Variants in CPM observed in about 807,000 individuals in gnomAD.
CPM encodes the protein renal carboxypeptidase.
CPM carries 35 observed loss-of-function variants against 46.4 expected under a neutral mutation model. The ratio of observed to expected loss-of-function variants is 0.75; its 90% CI spans 0.58 to 1.00. The LOEUF is 1.00. Among genes scored for constraint, CPM ranks in the 50% least tolerant of loss-of-function variants. The pLI, the probability that CPM is intolerant of heterozygous loss-of-function variation, is 0.00. For missense variants in CPM, 422 were observed against 530.4 expected, an observed-to-expected ratio of 0.80 and a Z score of 2.01; for synonymous variants, 195 against 195.3, an observed-to-expected ratio of 1.00 and a Z score of 0.01.
Position 68,866,898 on chromosome 12 carries a change from AG to A in CPM, c.937del (p.Leu313Ter), listed in dbSNP as rs760182716. On this transcript the variant is annotated frameshift_variant, in exon 7 of 9. Transcript: ENST00000551568. LOFTEE classifies it high-confidence loss of function. ...SLIEYIKQVHLGVKGQVFDQN... is the reference protein window; with the variant it reads ...SLIEYIKQVHXGVKGQVFDQN... ...ATTAATAAGAAAATTTTACAAACCT[AG>A]GTGCACCTGCTTTATATATTCAATT... 6.2e-7 allele frequency: 1 copy of A among 1,610,118 alleles called. No individual in the cohort carries two copies. The highest frequency in any genetic ancestry group is 8.5e-7 in the Non-Finnish European group (1 of 1,177,736).
chr12:68,940,366 G>A (rs143005156), intron 1 of CPM, among the ~76,000 whole-genome samples: 24 of 151,600 alleles, frequency 1.6e-4, no homozygotes, highest in African/African-American at 5.8e-4. Flanking sequence ...AATGTATAAT[G>A]GCATGTATCC....
chr12:68,913,075 T>C (rs1887664095), intron 2 of CPM, among the ~76,000 whole-genome samples: 1 of 152,120 alleles, frequency 6.6e-6, no homozygotes. Context: ...TCCTCCCGGA[T>C]GTTAAGGATG....
chr12:68,910,552 T>A (rs573608564), intron 2 of CPM, among the ~76,000 whole-genome samples: 7 of 152,332 alleles, frequency 4.6e-5, no homozygotes, highest in African/African-American at 1.4e-4. Flanking sequence ...GATAAATGTA[T>A]GGGTTTTAAA....
intron 2 of CPM, among the ~76,000 whole-genome samples, chr12:68,888,735 C>G (rs138744797): frequency 6.6e-6 from 1 of 152,168 alleles, no homozygotes; most frequent in East Asian, 1.9e-4. Flanking sequence ...CTCTCTCCAC[C>G]ACAAAGTAAA....
Position 68,871,814 on chromosome 12 carries a change from T to C in CPM, c.401A>G (p.Lys134Arg). Residue 134 changes from lysine to arginine, a missense_variant, in exon 4 of 9, where the codon AAA (lysine) becomes AGA (arginine). Coordinates refer to ENST00000551568, the MANE Select transcript of CPM (RefSeq NM_198320.5). ...SMNPDGFEAV[K>R]KPDCYYSIGR... ...GATGCTGTAATAACAGTCAGGCTTT[T>C]TGACGGCTTCAAATCCATCTGGGTT... The C allele has an allele frequency of 1.2e-6, 2 of 1,614,192 alleles. No homozygotes were observed. The highest frequency in any genetic ancestry group is 1.7e-6 in the Non-Finnish European group (2 of 1,180,022).
chr12:68,951,341 T>C (rs1275191963), intron 1 of CPM, among the ~76,000 whole-genome samples: 2 of 152,226 alleles, frequency 1.3e-5, no homozygotes, highest in Non-Finnish European at 2.9e-5. Context: ...CCTGACCTGA[T>C]CATGCTTAGG....
intron 2 of CPM, among the ~76,000 whole-genome samples, chr12:68,929,440 T>C (rs1888412864): frequency 6.6e-6 from 1 of 152,200 alleles, no homozygotes; most frequent in Admixed American, 6.5e-5. Context: ...ATGAACACTG[T>C]ACCTTTTCTG....
At chr12:68,899,613 C>T (rs571312090) in intron 2 of CPM, among the ~76,000 whole-genome samples, 1 of 152,240 alleles carries the variant, frequency 6.6e-6, no homozygotes, top group South Asian at 2.1e-4. Flanking sequence ...GGAAATGGTT[C>T]ATTAGGAATC....
intron 2 of CPM, among the ~76,000 whole-genome samples, chr12:68,917,017 T>C (rs539370725): frequency 6.6e-6 from 1 of 152,196 alleles, no homozygotes; most frequent in Non-Finnish European, 1.5e-5. Context: ...CAAAAACCCT[T>C]AGGATTATAT....
intron 2 of CPM, among the ~76,000 whole-genome samples, chr12:68,918,650 C>A (rs901320723): frequency 7.0e-6 from 1 of 142,466 alleles, no homozygotes; most frequent in Non-Finnish European, 1.5e-5. Flanking sequence ...TCCAACCCAA[C>A]CCAACCCAAC....
chr12:68,885,792 C>T lies in CPM; in HGVS notation c.258G>A (p.Glu86=), dbSNP rs1407556276. 1 of 1,612,744 alleles carries T rather than the reference C, an allele frequency of 6.2e-7. No homozygotes were observed. Among genetic ancestry groups the T allele is most frequent in the Non-Finnish European group, 8.5e-7 (1 of 1,178,928 alleles). The part of the protein sequence containing the change: ...FKYVANMHGD[E]TVGRELLLHL... ...TCAGAAATTCAAGCCACATACGTACCTCATCTCCATGCATATTTGCCACGT... is the reference window on the plus strand; with the variant it reads ...TCAGAAATTCAAGCCACATACGTACTTCATCTCCATGCATATTTGCCACGT... Residue 86 remains glutamate, a splice_region_variant and synonymous_variant, in exon 3 of 9, where the codon GAG becomes GAA. Coordinates refer to ENST00000551568, the MANE Select transcript of CPM (RefSeq NM_198320.5).
chr12:68,868,067 T>C (rs923850306), intron 6 of CPM, among the ~76,000 whole-genome samples: 1 of 152,138 alleles, frequency 6.6e-6, no homozygotes, highest in African/African-American at 2.4e-5. Context: ...GGGGAACAAT[T>C]CCCAGCAGCA....
chr12:68,886,377 A>AGG (rs1886429580), intron 2 of CPM, among the ~76,000 whole-genome samples: 1 of 151,978 alleles, frequency 6.6e-6, no homozygotes, highest in East Asian at 1.9e-4. Flanking sequence ...TCACGCCTGT[A>AGG]ATCCCAGCAC....
chr12:68,917,826 C>T (rs578233105), intron 2 of CPM, among the ~76,000 whole-genome samples: 1 of 152,304 alleles, frequency 6.6e-6, no homozygotes, highest in African/African-American at 2.4e-5. Context: ...CTCTGAACCC[C>T]TAAGACTTGA....
intron 2 of CPM, among the ~76,000 whole-genome samples, chr12:68,907,662 C>T (rs752922851): frequency 3.3e-5 from 5 of 152,160 alleles, no homozygotes; most frequent in African/African-American, 4.8e-5. Flanking sequence ...GAATCATCTA[C>T]AGAAGGCTTG....
chr12:68,901,624 G>A (rs566496159), intron 2 of CPM, among the ~76,000 whole-genome samples: 2 of 152,268 alleles, frequency 1.3e-5, no homozygotes, highest in East Asian at 3.9e-4. Flanking sequence ...TGAGACTTCT[G>A]GTCACTCAGT....
At chr12:68,935,199 C>T (rs1019069643), upstream of CPM, among the ~76,000 whole-genome samples, 2 of 151,860 alleles carry the variant, frequency 1.3e-5, no homozygotes, top group South Asian at 2.1e-4. Flanking sequence ...CGTGAGCCAC[C>T]GTGCCTGGCC....
At chr12:68,936,803 A>G (rs1888681597), upstream of CPM, among the ~76,000 whole-genome samples, 1 of 152,234 alleles carries the variant, frequency 6.6e-6, no homozygotes, top group South Asian at 2.1e-4. Context: ...AGGTTATAAG[A>G]AGAAAGGTTT....
intron 2 of CPM, among the ~76,000 whole-genome samples, chr12:68,897,018 T>C (rs1886901500): frequency 6.6e-6 from 1 of 152,132 alleles, no homozygotes; most frequent in Non-Finnish European, 1.5e-5. Context: ...ACAGCTTGTC[T>C]CATTAATCAC....
Sources: allele counts gnomAD v4.1 joint callset (sites outside exome capture counted in the v4.1 genomes callset), GRCh38; gene constraint gnomAD v4.1.1; transcripts MANE v1.5; gene names NCBI Gene and HGNC (gene_info 2026-07-23, HGNC 2026-07-21).